Variants in CFAP299 observed in about 807,000 individuals in gnomAD.
The protein encoded by CFAP299 is cilia and flagella associated protein 299, also known as cilia- and flagella-associated protein 299.
CFAP299 carries 21 observed loss-of-function variants against 27.0 expected under a neutral mutation model. The observed-to-expected ratio is 0.78, with a 90% confidence interval of 0.55 to 1.12. The LOEUF (loss-of-function observed/expected upper bound fraction) is 1.12. Among genes scored for constraint, CFAP299 ranks in the 50% most tolerant of loss-of-function variants. The pLI, the probability that CFAP299 is intolerant of heterozygous loss-of-function variation, is 0.00. For synonymous variants in CFAP299, 104 were observed against 98.1 expected, an observed-to-expected ratio of 1.06 and a Z score of -0.36; for missense variants, 310 against 276.6, an observed-to-expected ratio of 1.12 and a Z score of -0.86.
At chr4:80,469,419 A>C (rs539655963) in intron 2 of CFAP299, among the ~76,000 whole-genome samples, 5 of 152,350 alleles carry the variant, frequency 3.3e-5, no homozygotes, top group Admixed American at 3.3e-4. Flanking sequence ...CTAAATTTTC[A>C]TATTTGTCTT....
At chr4:80,388,967 C>T (rs1365780669) in intron 2 of CFAP299, among the ~76,000 whole-genome samples, 2 of 151,938 alleles carry the variant, frequency 1.3e-5, no homozygotes, top group Non-Finnish European at 2.9e-5. Context: ...TACTATTTCC[C>T]TGTTTACAGT....
intron 2 of CFAP299, among the ~76,000 whole-genome samples, chr4:80,577,397 A>ATTTTTTTTT (rs34922224): frequency 1.4e-4 from 14 of 98,824 alleles, no homozygotes; most frequent in South Asian, 3.5e-4. Flanking sequence ...ATTAGAAAAC[A>ATTTTTTTTT]TTTTTTTTTT....
intron 2 of CFAP299, among the ~76,000 whole-genome samples, chr4:80,546,728 G>A (rs953096529): frequency 7.2e-5 from 11 of 152,102 alleles, no homozygotes; most frequent in Admixed American, 3.9e-4. Flanking sequence ...CTTTTGCCAC[G>A]TGAAATGCTT....
chr4:80,519,469 A>T (rs530767383), intron 2 of CFAP299, among the ~76,000 whole-genome samples: 1 of 152,230 alleles, frequency 6.6e-6, no homozygotes, highest in South Asian at 2.1e-4. Flanking sequence ...AGCCTCCCAA[A>T]GTGCTGGGAT....
rs369197382 is a variant in CFAP299, at chr4:80,886,576, T to C, written c.476+16441T>C. ...CGATTGGGCTTGGGGCCCAAGTCCC[T>C]TTAAATATTTGGAAAGCCTTCCCAA... On this transcript the variant is annotated intron_variant, in intron 4 of 5. Transcript: ENST00000358105. 4.1e-3 allele frequency among the ~76,000 whole-genome samples: 618 copies of C among 152,302 alleles called. 1 individual carries two copies. Among genetic ancestry groups the C allele is most frequent in the Middle Eastern group, 0.017 (5 of 294 alleles).
At chr4:80,572,523 T>TTTTTTTTTTG (rs1457201463) in intron 2 of CFAP299, among the ~76,000 whole-genome samples, 3 of 127,892 alleles carry the variant, frequency 2.3e-5, no homozygotes, top group African/African-American at 8.3e-5. Context: ...TTTTTTTTTT[T>TTTTTTTTTTG]TTTTTTTTTT....
intron 5 of CFAP299, among the ~76,000 whole-genome samples, chr4:80,952,409 T>C (rs1456509132): frequency 6.6e-6 from 1 of 152,204 alleles, no homozygotes; most frequent in East Asian, 1.9e-4. Context: ...TCTAGTGCTT[T>C]TCTGCCTAGG....
At chr4:80,547,288 A>G (rs1158808622) in intron 2 of CFAP299, among the ~76,000 whole-genome samples, 1 of 152,152 alleles carries the variant, frequency 6.6e-6, no homozygotes, top group Admixed American at 6.6e-5. Context: ...AAGGACTTCT[A>G]ATTCAATTCA....
chr4:80,531,750 T>G (rs1733478574), intron 2 of CFAP299, among the ~76,000 whole-genome samples: 2 of 125,386 alleles, frequency 1.6e-5, no homozygotes, highest in African/African-American at 6.3e-5. Context: ...GATAGAAGTT[T>G]TTTTTTTTTT....
intron 3 of CFAP299, among the ~76,000 whole-genome samples, chr4:80,862,108 G>T (rs1732413162): frequency 6.6e-6 from 1 of 152,144 alleles, no homozygotes; most frequent in South Asian, 2.1e-4. Context: ...AGTGGTTCAT[G>T]CCTGTAATCC....
intron 3 of CFAP299, among the ~76,000 whole-genome samples, chr4:80,586,240 A>G (rs2109877183): frequency 6.6e-6 from 1 of 152,152 alleles, no homozygotes; most frequent in African/African-American, 2.4e-5. Context: ...ATGATACATG[A>G]CAACTATTTA....
At position 80,355,354 on chromosome 4, in the gene CFAP299, C is replaced by CTTTTTT. The variant is rs70944772; in HGVS notation, c.112-7384_112-7379dup. 1.7e-3 allele frequency among the ~76,000 whole-genome samples: 164 copies of CTTTTTT among 95,486 alleles called. 2 individuals are homozygous for CTTTTTT. The highest frequency in any genetic ancestry group is 2.9e-3 in the East Asian group (9 of 3,140). The allele number at this position is 95,486 out of a possible 152,430, so 62.6% of individuals were successfully genotyped here. On this transcript the variant is annotated intron_variant, in intron 1 of 5. Coordinates refer to ENST00000358105, the MANE Select transcript of CFAP299 (RefSeq NM_152770.3). ...TTTTGAAAAGTGTTCATGTCCTTTG[C>CTTTTTT]TTTTTTTTTTTTTTTTTTTTTGAGA...
At chr4:80,334,461 A>G, upstream of CFAP299, among the ~76,000 whole-genome samples, 1 of 152,156 alleles carries the variant, frequency 6.6e-6, no homozygotes, top group East Asian at 1.9e-4. Flanking sequence ...TAATTTTAGT[A>G]GAGACGGAAT....
At chr4:80,324,090 A>C in the CFAP299 span, among the ~76,000 whole-genome samples, 1 of 152,122 alleles carries the variant, frequency 6.6e-6, no homozygotes, top group African/African-American at 2.4e-5. Context: ...TCTAGGTTTT[A>C]AGCCCCACAT....
rs73831219 is a variant in CFAP299 at position 80,940,285 on chromosome 4, A to G, written c.477-4525A>G. ...CCCCCAAGACTATTTAGTCATGCCA[A>G]TCACCTCAGTAATCTGGGAGTGGGA... On this transcript the variant is annotated intron_variant, in intron 4 of 5. Coordinates refer to ENST00000358105, the MANE Select transcript of CFAP299 (RefSeq NM_152770.3). Among the ~76,000 whole-genome samples the G allele has an allele frequency of 3.7e-3, 562 of 152,196 alleles. 2 individuals carry two copies. Among genetic ancestry groups the G allele is most frequent in the African/African-American group, 0.012 (518 of 41,516 alleles).
chr4:80,334,524 C>T (rs1313945600), upstream of CFAP299, among the ~76,000 whole-genome samples: 2 of 152,146 alleles, frequency 1.3e-5, no homozygotes, highest in Non-Finnish European at 2.9e-5. Context: ...GATCCACCCA[C>T]CTCGGCCTCC....
intron 3 of CFAP299, among the ~76,000 whole-genome samples, chr4:80,663,817 T>C (rs1184372128): frequency 2.6e-5 from 4 of 152,218 alleles, no homozygotes; most frequent in Non-Finnish European, 5.9e-5. Flanking sequence ...GACGTTTTAA[T>C]GATTGCGATT....
At chr4:80,706,300 A>G (rs896316140) in intron 3 of CFAP299, among the ~76,000 whole-genome samples, 1 of 151,756 alleles carries the variant, frequency 6.6e-6, no homozygotes, top group Non-Finnish European at 1.5e-5. Flanking sequence ...AAAACAAATG[A>G]GGATGTTCCA....
At chr4:80,871,053 C>A in intron 4 of CFAP299, 1 of 415,310 alleles carries the variant, frequency 2.4e-6, no homozygotes, top group Non-Finnish European at 3.2e-6. Context: ...ACTACAGGCA[C>A]ATACCACCAC....
Sources: gnomAD v4.1 joint callset for allele counts (sites outside exome capture counted in the v4.1 genomes callset) on GRCh38, gnomAD v4.1.1 for gene constraint, MANE v1.5 for transcripts, NCBI Gene and HGNC (gene_info 2026-07-23, HGNC 2026-07-21) for gene names.